Variants in SLC24A2 observed in about 807,000 individuals in gnomAD.
SLC24A2 encodes the protein sodium/potassium/calcium exchanger 2.
In SLC24A2, 36 loss-of-function variants were observed where a neutral mutation model predicts 62.0. The observed-to-expected ratio is 0.58, with a 90% CI of 0.44 to 0.77. The LOEUF (loss-of-function observed/expected upper bound fraction) is 0.77. Ranked by LOEUF, SLC24A2 falls within the 30% of genes least tolerant of loss-of-function variation. The probability of loss-of-function intolerance (pLI) is 0.00; values close to 1 mark genes in which losing one functional copy is unlikely to be tolerated. For missense variants in SLC24A2, 846 were observed against 817.9 expected (o/e 1.03, Z -0.42); for synonymous variants, 358 against 294.0 (o/e 1.22, Z -2.23).
chr9:20,212,309 T>C, the SLC24A2 span, among the ~76,000 whole-genome samples: 3 of 151,476 alleles, frequency 2.0e-5, no homozygotes, highest in African/African-American at 2.4e-5. Context: ...CTTCCAAATA[T>C]ACAAAGGAAA....
At chr9:19,860,540 T>G in the SLC24A2 span, among the ~76,000 whole-genome samples, 1 of 152,266 alleles carries the variant, frequency 6.6e-6, no homozygotes, top group South Asian at 2.1e-4. Flanking sequence ...GGGTCAAGAT[T>G]CTTTCTGCTT....
intron 7 of SLC24A2, among the ~76,000 whole-genome samples, chr9:19,571,809 C>A (rs1031399911): frequency 6.6e-6 from 1 of 152,204 alleles, no homozygotes; most frequent in Admixed American, 6.5e-5. Flanking sequence ...ATCTAACAAG[C>A]ACCAAAGGTG....
chr9:20,033,135 A>C, the SLC24A2 span, among the ~76,000 whole-genome samples: 1 of 152,196 alleles, frequency 6.6e-6, no homozygotes, highest in African/African-American at 2.4e-5. Context: ...AGGAGGTTTT[A>C]TGTGTCTGAG....
chr9:19,908,686 CT>C, the SLC24A2 span, among the ~76,000 whole-genome samples: 1 of 152,184 alleles, frequency 6.6e-6, no homozygotes, highest in Non-Finnish European at 1.5e-5. Flanking sequence ...TGAACAGACA[CT>C]TTTCAAAAGA....
At chr9:19,941,590 T>A in the SLC24A2 span, among the ~76,000 whole-genome samples, 2,025 of 127,940 alleles carry the variant, frequency 0.016, 32 homozygotes, top group African/African-American at 0.043. Flanking sequence ...TGTGTGTGTG[T>A]GAGAGAGAGA....
At chr9:19,984,021 C>G in the SLC24A2 span, among the ~76,000 whole-genome samples, 1 of 152,074 alleles carries the variant, frequency 6.6e-6, no homozygotes, top group South Asian at 2.1e-4. Flanking sequence ...GTGGTTATGT[C>G]CAGAGAAATC....
chr9:19,547,660 G>T (rs536224949), intron 8 of SLC24A2, among the ~76,000 whole-genome samples: 1 of 151,506 alleles, frequency 6.6e-6, no homozygotes, highest in Non-Finnish European at 1.5e-5. Flanking sequence ...ATCTTCCTGA[G>T]TGCCTCAATG....
the SLC24A2 span, among the ~76,000 whole-genome samples, chr9:20,197,539 C>T: frequency 6.8e-6 from 1 of 146,674 alleles, no homozygotes; most frequent in Non-Finnish European, 1.5e-5. Context: ...TAAGGTGATA[C>T]TCCCAGCTCA....
At chr9:19,695,679 CAAAAAAAAAAAA>C (rs66668393) in intron 2 of SLC24A2, among the ~76,000 whole-genome samples, 2 of 73,536 alleles carry the variant, frequency 2.7e-5, no homozygotes, top group Non-Finnish European at 4.8e-5. Context: ...TTGTTAGTAG[CAAAAAAAAAAAA>C]AAAAAAAAAA....
chr9:19,883,303 A>T, the SLC24A2 span, among the ~76,000 whole-genome samples: 13 of 152,332 alleles, frequency 8.5e-5, no homozygotes, highest in South Asian at 2.7e-3. Context: ...CATAATTGTT[A>T]TGTCTAGACT....
Position 19,599,928 on chromosome 9 carries a change from A to T in SLC24A2, c.1079-2649T>A, listed in dbSNP as rs1246893721. 1.3e-5 allele frequency among the ~76,000 whole-genome samples: 2 copies of T among 152,226 alleles called. No individual in the cohort carries two copies. The highest frequency in any genetic ancestry group is 4.8e-5 in the African/African-American group (2 of 41,464). ...AATGAATAACTAAGGCACTTTGAAC[A>T]TAATTGGATTAGGATTCAAACTGGG... On this transcript the variant is annotated intron_variant, in intron 4 of 10. Coordinates refer to ENST00000341998, the MANE Select transcript of SLC24A2 (RefSeq NM_020344.4). The surrounding 1 kb of genome is among the most constrained non-coding windows in gnomAD (Gnocchi z 4.5).
chr9:20,151,423 A>G, the SLC24A2 span, among the ~76,000 whole-genome samples: 13 of 151,994 alleles, frequency 8.6e-5, no homozygotes, highest in Middle Eastern at 3.4e-3. Flanking sequence ...CAGTCTGTTC[A>G]GGTATTTAGT....
the SLC24A2 span, among the ~76,000 whole-genome samples, chr9:20,133,911 A>C: frequency 6.6e-6 from 1 of 152,312 alleles, no homozygotes; most frequent in African/African-American, 2.4e-5. Flanking sequence ...TTAACTTAAT[A>C]AGGTAAATTC....
At chr9:19,688,039 A>G (rs1819935976) in intron 2 of SLC24A2, among the ~76,000 whole-genome samples, 1 of 152,086 alleles carries the variant, frequency 6.6e-6, no homozygotes, top group Admixed American at 6.6e-5. Flanking sequence ...TATGCTTTCG[A>G]AAAGCTCTGT....
intron 7 of SLC24A2, 29 bp from the exon 8 acceptor site, chr9:19,550,297 CAAACAAAAAAATAAAAT>C: frequency 6.2e-7 from 1 of 1,612,498 alleles, no homozygotes; most frequent in Non-Finnish European, 8.5e-7. Context: ...TAAAATTAAA[CAAACAAAAAAATAAAAT>C]GTACACAGGC....
At chr9:20,268,590 G>A in the SLC24A2 span, among the ~76,000 whole-genome samples, 1 of 152,176 alleles carries the variant, frequency 6.6e-6, no homozygotes, top group Non-Finnish European at 1.5e-5. Context: ...GTCTCCACCA[G>A]CAAGAAGGCC....
intron 2 of SLC24A2, among the ~76,000 whole-genome samples, chr9:19,642,285 C>T (rs546606357): frequency 7.2e-5 from 11 of 152,264 alleles, no homozygotes; most frequent in East Asian, 1.9e-4. Context: ...GGAGGAAATA[C>T]GCCAGCAGAT....
chr9:19,761,544 C>T (rs758629799), intron 2 of SLC24A2, among the ~76,000 whole-genome samples: 6 of 151,580 alleles, frequency 4.0e-5, no homozygotes, highest in East Asian at 1.9e-4. Context: ...AGGTTTGTTA[C>T]GTATGTATAC....
the SLC24A2 span, among the ~76,000 whole-genome samples, chr9:20,276,708 G>A: frequency 6.6e-6 from 1 of 152,172 alleles, no homozygotes; most frequent in South Asian, 2.1e-4. Context: ...GCACACCTCT[G>A]CCTAGACATC....
Sources: gnomAD v4.1 joint callset for allele counts (sites outside exome capture counted in the v4.1 genomes callset) on GRCh38, gnomAD v4.1.1 for gene constraint, Gnocchi (gnomAD v3.1) non-coding constraint, MANE v1.5 for transcripts, NCBI Gene and HGNC (gene_info 2026-07-23, HGNC 2026-07-21) for gene names.